Variants in XNDC1N observed in about 807,000 individuals in gnomAD.
XNDC1N encodes protein XNDC1N.
At chr11:71,917,883 G>A in the XNDC1N span, 2 of 633,314 alleles carry the variant, frequency 3.2e-6, no homozygotes, top group African/African-American at 3.6e-5. Flanking sequence ...CTGAAAGCCA[G>A]AAAGGTTCAG....
the XNDC1N span, among the ~76,000 whole-genome samples, chr11:71,874,818 C>A: frequency 6.6e-6 from 1 of 152,210 alleles, no homozygotes; most frequent in Non-Finnish European, 1.5e-5. Context: ...TTATGTCTAT[C>A]ATTTATTTTT....
the XNDC1N span, among the ~76,000 whole-genome samples, chr11:71,873,816 T>A: frequency 7.9e-5 from 12 of 152,356 alleles, no homozygotes; most frequent in South Asian, 2.1e-3. Flanking sequence ...CTATGTAGTT[T>A]TTTTAAAAAA....
the XNDC1N span, among the ~76,000 whole-genome samples, chr11:71,896,082 C>T: frequency 6.6e-6 from 1 of 152,108 alleles, no homozygotes; most frequent in Non-Finnish European, 1.5e-5. Context: ...GTTCGAGACC[C>T]GCCTGGCCAA....
chr11:71,870,719 A>G, the XNDC1N span, among the ~76,000 whole-genome samples: 2 of 152,206 alleles, frequency 1.3e-5, no homozygotes, highest in Non-Finnish European at 2.9e-5. Context: ...AAAAATGGGC[A>G]TGGGAGGTGA....
At chr11:71,897,129 A>T in the XNDC1N span, among the ~76,000 whole-genome samples, 4 of 152,210 alleles carry the variant, frequency 2.6e-5, no homozygotes, top group African/African-American at 4.8e-5. Flanking sequence ...GACACGCCTA[A>T]AAGAAAACAT....
chr11:71,919,111 C>T, the XNDC1N span: 2 of 671,264 alleles, frequency 3.0e-6, no homozygotes, highest in East Asian at 5.4e-5. Context: ...CGCTAAAACC[C>T]CAAACCTTCC....
the XNDC1N span, among the ~76,000 whole-genome samples, chr11:71,919,998 T>C: frequency 0.037 from 3,977 of 106,752 alleles, 63 homozygotes; most frequent in East Asian, 0.11. Flanking sequence ...GTCTCTGTCG[T>C]CCAGGCTGGA....
chr11:71,911,798 A>G, the XNDC1N span, among the ~76,000 whole-genome samples: 1 of 152,226 alleles, frequency 6.6e-6, no homozygotes, highest in Non-Finnish European at 1.5e-5. Context: ...AGGGGACACC[A>G]GCGAGCTTCC....
At chr11:71,875,555 T>C in the XNDC1N span, among the ~76,000 whole-genome samples, 1 of 151,402 alleles carries the variant, frequency 6.6e-6, no homozygotes, top group Non-Finnish European at 1.5e-5. Flanking sequence ...GGGTAAGAAG[T>C]GAATGAAAGA....
chr11:71,903,522 G>C, the XNDC1N span: 1 of 709,936 alleles, frequency 1.4e-6, no homozygotes, highest in Non-Finnish European at 2.6e-6. Flanking sequence ...AGGCAGGGAA[G>C]AGAGACATGC....
chr11:71,880,114 A>C, the XNDC1N span, among the ~76,000 whole-genome samples: 1 of 152,102 alleles, frequency 6.6e-6, no homozygotes, highest in Non-Finnish European at 1.5e-5. Flanking sequence ...ATAAATTTTA[A>C]AATGTGCTCT....
At chr11:71,900,794 T>G in the XNDC1N span, among the ~76,000 whole-genome samples, 2,943 of 146,620 alleles carry the variant, frequency 0.02, 3 homozygotes, top group Middle Eastern at 0.033. Flanking sequence ...TAGTCTCCAC[T>G]TTATTAGTGC....
At chr11:71,874,542 T>C in the XNDC1N span, among the ~76,000 whole-genome samples, 2 of 152,304 alleles carry the variant, frequency 1.3e-5, no homozygotes, top group East Asian at 1.9e-4. Context: ...CAAAAATTCA[T>C]TTTGGAATTC....
At chr11:71,909,458 G>A in the XNDC1N span, among the ~76,000 whole-genome samples, 1 of 152,128 alleles carries the variant, frequency 6.6e-6, no homozygotes, top group Admixed American at 6.5e-5. Context: ...CAGCTCAAAA[G>A]AAAACAAGGT....
At chr11:71,928,220 C>T in the XNDC1N span, 1 of 537,562 alleles carries the variant, frequency 1.9e-6, no homozygotes, top group East Asian at 3.2e-5. Flanking sequence ...CCGCAAGGCT[C>T]TTCAGCTCTC....
At chr11:71,904,026 C>T in the XNDC1N span, 1 of 523,028 alleles carries the variant, frequency 1.9e-6, no homozygotes, top group South Asian at 1.4e-5. Context: ...CAGTGATGTA[C>T]ACGGTGGTCA....
chr11:71,897,653 G>T, the XNDC1N span, among the ~76,000 whole-genome samples: 1 of 152,216 alleles, frequency 6.6e-6, no homozygotes, highest in Non-Finnish European at 1.5e-5. Flanking sequence ...ATAGTATGGC[G>T]TGTACTGGAA....
chr11:71,907,591 T>C, the XNDC1N span, among the ~76,000 whole-genome samples: 2 of 152,144 alleles, frequency 1.3e-5, no homozygotes, highest in Admixed American at 6.5e-5. Flanking sequence ...CCCGTCTGTA[T>C]TGGGAGTAAT....
the XNDC1N span, among the ~76,000 whole-genome samples, chr11:71,900,337 C>A: frequency 6.6e-6 from 1 of 152,110 alleles, no homozygotes; most frequent in East Asian, 1.9e-4. Context: ...CTCATCCCAC[C>A]CGACTAGACA....
Sources: allele counts gnomAD v4.1 joint callset (sites outside exome capture counted in the v4.1 genomes callset), GRCh38; gene constraint gnomAD v4.1.1; transcripts MANE v1.5; gene names NCBI Gene and HGNC (gene_info 2026-07-23, HGNC 2026-07-21).